KIRREL3: variants seen among roughly 807,000 people sequenced by gnomAD.
KIRREL3 encodes kirre like nephrin family adhesion molecule 3, also known as kin of IRRE-like protein 3.
A neutral mutation model predicts 89.7 loss-of-function variants in KIRREL3; 36 were observed. That is an observed-to-expected ratio of 0.40 (90% CI 0.31 to 0.53). KIRREL3 has a LOEUF of 0.53. Among genes scored for constraint, KIRREL3 ranks in the 20% least tolerant of loss-of-function variants. The pLI, the probability that KIRREL3 is intolerant of heterozygous loss-of-function variation, is 0.49. For synonymous variants in KIRREL3, 445 were observed against 441.4 expected (o/e 1.01, Z -0.10); for missense variants, 864 against 1,056.6 (o/e 0.82, Z 2.53).
chr11:126,786,068 T>C (rs1003554074), intron 1 of KIRREL3, among the ~76,000 whole-genome samples: 1 of 152,000 alleles, frequency 6.6e-6, no homozygotes, highest in Non-Finnish European at 1.5e-5. Flanking sequence ...GTGAGGGTAA[T>C]AGCAAAAACA....
In KIRREL3 at chr11:126,531,831, C is replaced by T. The variant is rs1238733590; in HGVS notation, c.134-5144G>A. ...AGCTATCTTTTCTGTCTTGTGTTCC[C>T]AGCTGTGGGTGAGCACCGGTTACAC... On this transcript the variant is annotated intron_variant, in intron 2 of 16. Transcript: ENST00000525144. This position sits in a 1 kb window ranked among gnomAD's most constrained non-coding sequence, Gnocchi z 4.7. 6.6e-6 allele frequency among the ~76,000 whole-genome samples: 1 copy of T among 152,170 alleles called. No homozygotes were observed. Among genetic ancestry groups the T allele is most frequent in the East Asian group, 1.9e-4 (1 of 5,190 alleles).
At chr11:126,711,535 C>G (rs889689069) in intron 1 of KIRREL3, among the ~76,000 whole-genome samples, 6 of 152,184 alleles carry the variant, frequency 3.9e-5, no homozygotes, top group African/African-American at 1.4e-4. Context: ...GCACTCCAGC[C>G]TGGGCGACAG....
chr11:126,718,031 T>C (rs902179388), intron 1 of KIRREL3, among the ~76,000 whole-genome samples: 1 of 152,338 alleles, frequency 6.6e-6, no homozygotes, highest in African/African-American at 2.4e-5. Context: ...AGTTAAAATA[T>C]CCCTTGCCTC....
At chr11:126,658,713 C>T (rs1207586355) in intron 1 of KIRREL3, among the ~76,000 whole-genome samples, 1 of 152,168 alleles carries the variant, frequency 6.6e-6, no homozygotes, top group African/African-American at 2.4e-5. Context: ...ACAGCTTCTC[C>T]TTCTTGTTGC....
In KIRREL3 at chr11:126,882,892, C is replaced by G. The variant is rs1592276578; in HGVS notation, c.55+117563G>C. 2.0e-5 allele frequency among the ~76,000 whole-genome samples: 3 copies of G among 152,276 alleles called. No individual in the cohort carries two copies. The South Asian group carries it at 6.2e-4, about 32-fold the overall frequency. On this transcript the variant is annotated intron_variant, in intron 1 of 16. Coordinates refer to ENST00000525144, the MANE Select transcript of KIRREL3 (RefSeq NM_032531.4). ...TTCAAGAACCATGGGTTCAGAGACC[C>G]TCACCTCCATGAATATGACTTGTTG...
chr11:126,907,049 G>C (rs1464187991), intron 1 of KIRREL3, among the ~76,000 whole-genome samples: 2 of 152,100 alleles, frequency 1.3e-5, no homozygotes, highest in African/African-American at 4.8e-5. Context: ...ATTCCTCATG[G>C]GGCCCACCAC....
At chr11:126,680,640 T>G (rs1320955909) in intron 1 of KIRREL3, among the ~76,000 whole-genome samples, 1 of 151,862 alleles carries the variant, frequency 6.6e-6, no homozygotes, top group South Asian at 2.1e-4. Flanking sequence ...GTAATTGCCT[T>G]AACTAGGGGA....
rs115964084 is a variant in KIRREL3, at chr11:126,710,967, C to T, written c.56-148055G>A. On this transcript the variant is annotated intron_variant, in intron 1 of 16. Transcript: ENST00000525144. The surrounding 1 kb of genome is among the most constrained non-coding windows in gnomAD (Gnocchi z 4.2). ...GTGATGAGGATGGTGGCTGCTGGGACGGCCAAGGGCAGCTAGGTTTCAGGT... is the reference window on the plus strand; with the variant it reads ...GTGATGAGGATGGTGGCTGCTGGGATGGCCAAGGGCAGCTAGGTTTCAGGT... Among the ~76,000 whole-genome samples the T allele has an allele frequency of 5.4e-3, 825 of 152,278 alleles. 7 individuals carry two copies. Among genetic ancestry groups the T allele is most frequent in the South Asian group, 0.024 (116 of 4,822 alleles).
chr11:126,925,387 G>A (rs1425036945), intron 1 of KIRREL3, among the ~76,000 whole-genome samples: 1 of 152,174 alleles, frequency 6.6e-6, no homozygotes, highest in African/African-American at 2.4e-5. Flanking sequence ...GAAGGGATGG[G>A]ACAGTGATCA....
intron 1 of KIRREL3, among the ~76,000 whole-genome samples, chr11:126,841,528 A>G (rs1943962411): frequency 6.6e-6 from 1 of 152,186 alleles, no homozygotes; most frequent in South Asian, 2.1e-4. Context: ...GATTGCTGTA[A>G]TTCATTATTC....
intron 1 of KIRREL3, among the ~76,000 whole-genome samples, chr11:126,634,396 C>G (rs980013509): frequency 1.3e-5 from 2 of 152,202 alleles, no homozygotes; most frequent in Non-Finnish European, 2.9e-5. Context: ...GAGCCAGGAG[C>G]CTGTGCTCAT....
chr11:126,661,073 C>A (rs144136198), intron 1 of KIRREL3, among the ~76,000 whole-genome samples: 2 of 152,076 alleles, frequency 1.3e-5, no homozygotes, highest in African/African-American at 4.8e-5. Context: ...TGGTGAAATA[C>A]CCCAAATAGA....
rs1277149227 is a variant in KIRREL3, at chr11:126,683,552, A to G, written c.56-120640T>C. Among the ~76,000 whole-genome samples, 1 of 152,222 alleles carries G rather than the reference A, an allele frequency of 6.6e-6. No homozygotes were observed. Among genetic ancestry groups the G allele is most frequent in the Non-Finnish European group, 1.5e-5 (1 of 68,030 alleles). On this transcript the variant is annotated intron_variant, in intron 1 of 16. Coordinates refer to ENST00000525144, the MANE Select transcript of KIRREL3 (RefSeq NM_032531.4). The surrounding 1 kb of genome is among the most constrained non-coding windows in gnomAD (Gnocchi z 5.2). ...CAAAATGGGAAGAGTAAGGGCACCC[A>G]TCTTGGAGGAGATTTGGCACGTGAT...
In KIRREL3 at chr11:126,459,262, G is replaced by T. The variant is rs988742645; in HGVS notation, c.743-2808C>A. 3.3e-5 allele frequency among the ~76,000 whole-genome samples: 5 copies of T among 152,192 alleles called. No individual in the cohort carries two copies. The highest frequency in any genetic ancestry group is 4.8e-5 in the African/African-American group (2 of 41,444). On this transcript the variant is annotated intron_variant, in intron 6 of 16. Transcript: ENST00000525144. The surrounding 1 kb of genome is among the most constrained non-coding windows in gnomAD (Gnocchi z 4.8). ...TGGGGGTCTTTTCTAAAGTGATGAG[G>T]TCTGAGAGGCAGGGAGGTGGGGCAC...
At position 126,906,784 on chromosome 11, in the gene KIRREL3, C is replaced by T. The variant is rs1946604339; in HGVS notation, c.55+93671G>A. Among the ~76,000 whole-genome samples, 1 of 152,226 alleles carries T rather than the reference C, an allele frequency of 6.6e-6. No individual in the cohort carries two copies. Among genetic ancestry groups the T allele is most frequent in the South Asian group, 2.1e-4 (1 of 4,828 alleles). ...TCTGTAGCCCACAGTGCAAGGCTGC[C>T]TGTGGCTTCTTCCTGGGACGTCTGC... is the stretch of plus-strand genomic sequence containing the variant. On this transcript the variant is annotated intron_variant, in intron 1 of 16. Coordinates refer to ENST00000525144, the MANE Select transcript of KIRREL3 (RefSeq NM_032531.4). The surrounding 1 kb of genome is among the most constrained non-coding windows in gnomAD (Gnocchi z 4.1).
chr11:126,524,823 T>C (rs1958700005), intron 3 of KIRREL3, among the ~76,000 whole-genome samples: 1 of 152,136 alleles, frequency 6.6e-6, no homozygotes, highest in South Asian at 2.1e-4. Flanking sequence ...TGAATTGAGT[T>C]GAGGGCTGTC....
intron 1 of KIRREL3, among the ~76,000 whole-genome samples, chr11:126,841,833 C>T (rs926886063): frequency 1.3e-5 from 2 of 152,212 alleles, no homozygotes; most frequent in Non-Finnish European, 2.9e-5. Context: ...TAGTCATGCT[C>T]ACCTACCCAA....
chr11:126,443,977 C>A lies in KIRREL3; in HGVS notation c.1252+1002G>T, dbSNP rs1955689748. Among the ~76,000 whole-genome samples the A allele has an allele frequency of 6.6e-6, 1 of 152,148 alleles. No individual in the cohort carries two copies. ...ATCGAACTGGCAGCTTTGCTTTTTG[C>A]CTGTGGCCAAAGCACCAGATAGGGC... On this transcript the variant is annotated intron_variant, in intron 10 of 16. Transcript: ENST00000525144. The surrounding 1 kb of genome is among the most constrained non-coding windows in gnomAD (Gnocchi z 7.3).
chr11:126,914,777 G>A (rs1346036447), intron 1 of KIRREL3, among the ~76,000 whole-genome samples: 1 of 152,240 alleles, frequency 6.6e-6, no homozygotes, highest in Non-Finnish European at 1.5e-5. Context: ...TAATTATGCA[G>A]AGCAAGTAAC....
Sources: allele counts gnomAD v4.1 joint callset (sites outside exome capture counted in the v4.1 genomes callset), GRCh38; gene constraint gnomAD v4.1.1; non-coding constraint Gnocchi (gnomAD v3.1); transcripts MANE v1.5; gene names NCBI Gene and HGNC (gene_info 2026-07-23, HGNC 2026-07-21).